The following GREP1 variants were observed in gnomAD, a reference collection of about 807,000 sequenced individuals.
GREP1 encodes the protein glycine-rich extracellular protein 1.
chr16:2,995,849 C>T (rs1327403516), intron 17 of GREP1, 78 bp downstream of exon 17: 1 of 398,476 alleles, frequency 2.5e-6, no homozygotes, highest in African/African-American at 2.1e-5. Flanking sequence ...TGCTCCCTCC[C>T]TCTCCAGGAT....
intron 23 of GREP1, 80 bp downstream of exon 21, chr16:2,997,915 CCT>C (rs2072434900): frequency 2.5e-6 from 1 of 398,418 alleles, no homozygotes; most frequent in Non-Finnish European, 4.4e-6. Flanking sequence ...CAAGCTGTAC[CCT>C]GTCTCCCCAT....
chr16:2,990,496 C>T (rs377647281), intron 6 of GREP1, 56 bp from the exon 6 acceptor site: 6 of 399,248 alleles, frequency 1.5e-5, no homozygotes, highest in African/African-American at 6.2e-5. Flanking sequence ...AGGTGAGGCT[C>T]GCCCAGCCCC....
rs897532568 is a variant in GREP1 at position 2,991,998 on chromosome 16, G to A, written c.323-807G>A. ...CTCTCTATTCCTGGCATGGGGCGGGGGGTGAAACCTCTGAAGACAGGTGTG... is the reference window on the plus strand; with the variant it reads ...CTCTCTATTCCTGGCATGGGGCGGGAGGTGAAACCTCTGAAGACAGGTGTG... On this transcript the variant is annotated intron_variant, in intron 8 of 34. Coordinates refer to ENST00000573315, the Ensembl canonical transcript of GREP1. This position sits in a 1 kb window ranked among gnomAD's most constrained non-coding sequence, Gnocchi z 4.9. The A allele has an allele frequency of 6.6e-6, 1 of 152,658 alleles. No homozygotes were observed. Among genetic ancestry groups the A allele is most frequent in the South Asian group, 2.1e-4 (1 of 4,850 alleles). 9.5% of individuals were successfully genotyped at this position (152,658 alleles called of 1,614,324 possible). A position where few individuals can be genotyped will look rare whatever the true frequency, so the allele number is the denominator to read the frequency against.
intron 18 of GREP1, among the ~76,000 whole-genome samples, chr16:2,996,275 G>A (rs2072424439): frequency 6.6e-6 from 1 of 152,186 alleles, no homozygotes; most frequent in Non-Finnish European, 1.5e-5. Flanking sequence ...CAAAGATCGG[G>A]CCAGGGGGCC....
At chr16:2,993,591 C>T (rs543636089) in intron 10 of GREP1, 1 of 152,200 alleles carries the variant, frequency 6.6e-6, no homozygotes, top group Admixed American at 6.5e-5. Context: ...CACTTGAGCC[C>T]AGGAAGTCGA....
chr16:3,001,661 G>C, exon 35 of GREP1: 2 of 399,164 alleles, frequency 5.0e-6, no homozygotes, highest in Non-Finnish European at 8.8e-6. Flanking sequence ...GCCTGGCCGG[G>C]GGTCTCCTCC....
chr16:2,993,246 C>G (rs532349582), intron 10 of GREP1: 45 of 268,290 alleles, frequency 1.7e-4, no homozygotes, highest in Middle Eastern at 1.1e-3. Flanking sequence ...GAAGTCCTTC[C>G]CCTTCTCTTC....
At chr16:2,998,309 C>G (rs1045871670) in intron 23 of GREP1, 47 bp from the exon 22 acceptor site, 1 of 399,096 alleles carries the variant, frequency 2.5e-6, no homozygotes, top group African/African-American at 2.1e-5. Context: ...CACTACACTC[C>G]TCGGGTGGGC....
intron 25 of GREP1, 121 bp from the exon 24 acceptor site, chr16:2,998,727 G>A: frequency 1.0e-5 from 4 of 398,538 alleles, no homozygotes; most frequent in Non-Finnish European, 1.3e-5. Context: ...CCCCTAAGGT[G>A]CTGGGTCTGC....
At position 2,991,114 on chromosome 16, in the gene GREP1, C is replaced by CA. The variant is rs2072397065; in HGVS notation, c.322+13_322+14insA. 5.0e-6 allele frequency: 2 copies of CA among 399,162 alleles called. No homozygotes were observed. Among genetic ancestry groups the CA allele is most frequent in the African/African-American group, 4.1e-5 (2 of 48,664 alleles). The allele number at this position is 399,162 out of a possible 1,614,324, so 24.7% of individuals were successfully genotyped here. On this transcript the variant is annotated intron_variant, in intron 8 of 34. Coordinates refer to ENST00000573315, the Ensembl canonical transcript of GREP1. This position sits in a 1 kb window ranked among gnomAD's most constrained non-coding sequence, Gnocchi z 4.9. Reference sequence around the variant, plus strand: ...GGAGCCCAGTCAGGTGAGGAAACGTCGGGTGTGGCAGGACCTGGGCTTCCA... The same window carrying CA: ...GGAGCCCAGTCAGGTGAGGAAACGTCAGGGTGTGGCAGGACCTGGGCTTCCA...
chr16:2,988,752 G>C, intron 2 of GREP1, 130 bp downstream of exon 2: 2 of 398,324 alleles, frequency 5.0e-6, no homozygotes, highest in Non-Finnish European at 4.4e-6. Context: ...CTTCCGGGCA[G>C]GGAGTCTCAT....
intron 33 of GREP1, among the ~76,000 whole-genome samples, 166 bp downstream of exon 27, chr16:3,000,993 G>A (rs1158478065): frequency 6.6e-6 from 1 of 152,134 alleles, no homozygotes; most frequent in African/African-American, 2.4e-5. Flanking sequence ...AGGCAGGAAG[G>A]AGCAGGAAGG....
At chr16:2,990,520 C>T (rs933930421) in intron 6 of GREP1, 32 bp from the exon 6 acceptor site, 2 of 399,440 alleles carry the variant, frequency 5.0e-6, no homozygotes, top group Non-Finnish European at 8.8e-6. Flanking sequence ...CTGCCTCCCT[C>T]CTCCTGACTC....
chr16:2,988,861 T>A, intron 2 of GREP1: 1 of 390,548 alleles, frequency 2.6e-6, no homozygotes, highest in South Asian at 1.4e-4. Context: ...CTGGGCAGGC[T>A]GAGAAGGGTG....
In GREP1 at chr16:3,001,278, C is replaced by A. The variant is rs1859377; in HGVS notation, c.1532-3C>A. 2.5e-6 allele frequency: 1 copy of A among 398,756 alleles called. No individual in the cohort carries two copies. The highest frequency in any genetic ancestry group is 2.1e-5 in the African/African-American group (1 of 48,530). 24.7% of individuals were successfully genotyped at this position (398,756 alleles called of 1,614,324 possible). On this transcript the variant is annotated splice_region_variant and splice_polypyrimidine_tract_variant and intron_variant, in intron 33 of 34. Transcript: ENST00000573315. Reference sequence around the variant, plus strand: ...GCTCCTGGTCTGTCTGTCTGTGCCACAGGGGGCCCCGACGTGAAGAGAGGC... The same window carrying A: ...GCTCCTGGTCTGTCTGTCTGTGCCAAAGGGGGCCCCGACGTGAAGAGAGGC...
chr16:2,995,812 C>A, intron 17 of GREP1, 41 bp downstream of exon 17: 1 of 398,616 alleles, frequency 2.5e-6, no homozygotes, highest in Non-Finnish European at 4.4e-6. Flanking sequence ...TATGCACGAA[C>A]CCCTGAAGCC....
At position 2,991,028 on chromosome 16, in the gene GREP1, C is replaced by T. The variant is rs1018381059; in HGVS notation, c.269-20C>T. The T allele has an allele frequency of 1.3e-5, 5 of 399,176 alleles. No homozygotes were observed. The highest frequency in any genetic ancestry group is 8.8e-5 in the Admixed American group (2 of 22,726). 24.7% of individuals were successfully genotyped at this position (399,176 alleles called of 1,614,324 possible). ...CGCCCCATTCCCCCTCCTCATGTCC[C>T]TCTGGCTCTGTCTCCCCAGGATATG... is the stretch of plus-strand genomic sequence containing the variant. On this transcript the variant is annotated intron_variant, in intron 7 of 34. Transcript: ENST00000573315. The surrounding 1 kb of genome is among the most constrained non-coding windows in gnomAD (Gnocchi z 4.9).
At chr16:2,997,897 T>C (rs1404210881) in intron 23 of GREP1, 62 bp downstream of exon 21, 2 of 398,192 alleles carry the variant, frequency 5.0e-6, no homozygotes, top group Non-Finnish European at 8.9e-6. Context: ...TCCACCCTTT[T>C]CCCCTCCCAA....
chr16:2,994,969 G>A lies in GREP1; in HGVS notation c.484+7G>A, dbSNP rs1210692512. 1.3e-5 allele frequency: 5 copies of A among 398,998 alleles called. No homozygotes were observed. The East Asian group carries it at 1.4e-4, about 11-fold the overall frequency. The allele number at this position is 398,998 out of a possible 1,614,324, so 24.7% of individuals were successfully genotyped here. On this transcript the variant is annotated splice_region_variant and intron_variant, in intron 13 of 34. Coordinates refer to ENST00000573315, the Ensembl canonical transcript of GREP1. ...GGGCTGGGAGCCCAGCCAGGTGAAG[G>A]GGGTACAGTCTGGGGTTCCAGGGTC...
Sources: allele counts gnomAD v4.1 joint callset (sites outside exome capture counted in the v4.1 genomes callset), GRCh38; gene constraint gnomAD v4.1.1; non-coding constraint Gnocchi (gnomAD v3.1); transcripts MANE v1.5; gene names NCBI Gene and HGNC (gene_info 2026-07-23, HGNC 2026-07-21).